The following TRIM2 variants were observed in gnomAD, a reference collection of about 807,000 sequenced individuals.
TRIM2 encodes tripartite motif-containing protein 2.
A neutral mutation model predicts 75.2 loss-of-function variants in TRIM2; 20 were observed. The observed-to-expected ratio is 0.27, with a 90% CI of 0.19 to 0.39. The LOEUF is 0.39. Among genes scored for constraint, TRIM2 ranks in the 10% least tolerant of loss-of-function variants. The pLI, the probability that TRIM2 is intolerant of heterozygous loss-of-function variation, is 1.00. For missense variants in TRIM2, 660 were observed against 990.8 expected, an observed-to-expected ratio of 0.67 and a Z score of 4.48; for synonymous variants, 373 against 388.3, an observed-to-expected ratio of 0.96 and a Z score of 0.46.
intron 1 of TRIM2, among the ~76,000 whole-genome samples, chr4:153,244,340 T>TTCTTCTTCTTCC (rs1748015964): frequency 3.2e-5 from 1 of 31,554 alleles, no homozygotes; most frequent in Non-Finnish European, 5.0e-5. Flanking sequence ...CTTCTTCTTC[T>TTCTTCTTCTTCC]TCTTCTTCTT....
intron 1 of TRIM2, among the ~76,000 whole-genome samples, chr4:153,250,115 T>C (rs532985087): frequency 1.1e-4 from 17 of 152,098 alleles, no homozygotes; most frequent in African/African-American, 2.7e-4. Flanking sequence ...TGTCTTTTTT[T>C]TTTTCTTTTC....
At chr4:153,244,437 T>TCTTCTTCTTCTTCC (rs1206105496) in intron 1 of TRIM2, among the ~76,000 whole-genome samples, 1 of 102,522 alleles carries the variant, frequency 9.8e-6, no homozygotes, top group Non-Finnish European at 1.8e-5. Context: ...TTCTTCTTCT[T>TCTTCTTCTTCTTCC]TTAATTAGAG....
chr4:153,309,263 T>C (rs969113241), intron 6 of TRIM2, among the ~76,000 whole-genome samples: 1 of 152,172 alleles, frequency 6.6e-6, no homozygotes, highest in Non-Finnish European at 1.5e-5. Context: ...AAAAGTGTTA[T>C]GTAAAGGATC....
intron 8 of TRIM2, among the ~76,000 whole-genome samples, chr4:153,317,427 T>A (rs917339151): frequency 6.6e-6 from 1 of 150,620 alleles, no homozygotes; most frequent in African/African-American, 2.4e-5. Flanking sequence ...GGCGGGCGGA[T>A]CACAAGGTCA....
At chr4:153,224,237 T>G (rs900769990) in intron 1 of TRIM2, among the ~76,000 whole-genome samples, 1 of 152,244 alleles carries the variant, frequency 6.6e-6, no homozygotes, top group Non-Finnish European at 1.5e-5. Context: ...TTAAATTCTT[T>G]GTGATACACA....
intron 2 of TRIM2, among the ~76,000 whole-genome samples, chr4:153,272,171 T>C (rs1282841464): frequency 1.3e-5 from 2 of 152,144 alleles, no homozygotes; most frequent in Non-Finnish European, 2.9e-5. Flanking sequence ...AATTTTGAGA[T>C]GGAGTCGCAC....
rs552281109 is a variant in TRIM2 at position 153,158,343 on chromosome 4, C to G, written c.-49+5073C>G. Among the ~76,000 whole-genome samples, 97 of 152,232 alleles carry G rather than the reference C, an allele frequency of 6.4e-4. 1 individual carries two copies. The highest frequency in any genetic ancestry group is 9.0e-4 in the Non-Finnish European group (61 of 68,020). ...ATTAGGAAAGCTCAATTATGCAATC[C>G]TATGAACTATAATTGGTTTGTAAAA... On this transcript the variant is annotated intron_variant, in intron 1 of 11. Transcript: ENST00000437508.
At chr4:153,177,434 T>C (rs1464000109) in intron 1 of TRIM2, among the ~76,000 whole-genome samples, 1 of 152,138 alleles carries the variant, frequency 6.6e-6, no homozygotes, top group Non-Finnish European at 1.5e-5. Flanking sequence ...GGTGGGTGGA[T>C]CAGGAGTTTG....
intron 1 of TRIM2, among the ~76,000 whole-genome samples, chr4:153,239,868 G>A (rs977662151): frequency 3.1e-5 from 4 of 129,118 alleles, no homozygotes; most frequent in South Asian, 2.3e-4. Flanking sequence ...ATGGAGTCTC[G>A]CTCTGTCACC....
intron 1 of TRIM2, among the ~76,000 whole-genome samples, chr4:153,161,623 G>A (rs1342204953): frequency 6.6e-6 from 1 of 152,200 alleles, no homozygotes; most frequent in Non-Finnish European, 1.5e-5. Context: ...CTTAGTGAGT[G>A]CTTCGTGCTC....
intron 1 of TRIM2, among the ~76,000 whole-genome samples, chr4:153,219,742 C>T (rs562353927): frequency 6.6e-6 from 1 of 152,278 alleles, no homozygotes; most frequent in South Asian, 2.1e-4. Context: ...GTGGCACATG[C>T]CTCTGGTCCC....
intron 1 of TRIM2, among the ~76,000 whole-genome samples, chr4:153,231,397 C>T (rs1743575496): frequency 6.6e-6 from 1 of 151,926 alleles, no homozygotes; most frequent in African/African-American, 2.4e-5. Context: ...GGAAGAGGGA[C>T]TAAAGTTAGA....
intron 11 of TRIM2, among the ~76,000 whole-genome samples, chr4:153,329,630 G>A (rs535371263): frequency 1.3e-5 from 2 of 151,970 alleles, no homozygotes; most frequent in African/African-American, 2.4e-5. Flanking sequence ...GAGGTCAGGA[G>A]TTCGAGACAA....
intron 1 of TRIM2, among the ~76,000 whole-genome samples, chr4:153,191,904 A>T (rs1457918006): frequency 6.6e-6 from 1 of 152,186 alleles, no homozygotes; most frequent in African/African-American, 2.4e-5. Flanking sequence ...TCTCAGAAGA[A>T]ATGGGTATGA....
rs143561457 is a variant in TRIM2, at chr4:153,275,917, C to T, written c.240C>T (p.Ala80=). 6.2e-7 allele frequency: 1 copy of T among 1,614,156 alleles called. No individual in the cohort carries two copies. Among genetic ancestry groups the T allele is most frequent in the African/African-American group, 1.3e-5 (1 of 75,030 alleles). ...CERCLQNYIP[A]HSLTLSCPVC... ...GGTGCCTGCAGAACTACATTCCTGC[C>T]CACAGTTTAACCCTCTCCTGCCCAG... The change falls in exon 3 of 12, where the codon GCC becomes GCT. Residue 80 remains alanine (A), a synonymous_variant. Transcript: ENST00000338700.
At chr4:153,197,648 G>A (rs1156500223) in intron 1 of TRIM2, among the ~76,000 whole-genome samples, 1 of 152,154 alleles carries the variant, frequency 6.6e-6, no homozygotes, top group African/African-American at 2.4e-5. Context: ...GAGGCGGGTG[G>A]ATTACCTGAG....
intron 1 of TRIM2, among the ~76,000 whole-genome samples, chr4:153,244,368 TC>T (rs1748166091): frequency 2.1e-5 from 1 of 48,294 alleles, no homozygotes; most frequent in African/African-American, 1.8e-4. Flanking sequence ...TTCTTCTTCT[TC>T]TTCTTCTTCT....
intron 1 of TRIM2, among the ~76,000 whole-genome samples, chr4:153,267,892 T>G (rs1755679177): frequency 6.6e-6 from 1 of 152,048 alleles, no homozygotes. Context: ...GGAGAAAGAG[T>G]AATTCACTCA....
In TRIM2 at chr4:153,323,816, C is replaced by T. The variant is rs150984099; in HGVS notation, c.1952-262C>T. Among the ~76,000 whole-genome samples the T allele has an allele frequency of 1.5e-3, 223 of 152,262 alleles. 3 individuals carry two copies. The South Asian group carries it at 0.034, about 23-fold the overall frequency. ...GAATGAATTCTGATGCTTACTGCTCCTCCCACTTCATTAGGGCTGCTAGAA... is the reference window on the plus strand; with the variant it reads ...GAATGAATTCTGATGCTTACTGCTCTTCCCACTTCATTAGGGCTGCTAGAA... On this transcript the variant is annotated intron_variant, in intron 9 of 11. Transcript: ENST00000338700.
Sources: allele counts gnomAD v4.1 joint callset (sites outside exome capture counted in the v4.1 genomes callset), GRCh38; gene constraint gnomAD v4.1.1; transcripts MANE v1.5; gene names NCBI Gene and HGNC (gene_info 2026-07-23, HGNC 2026-07-21).